NT5DC3: variants seen among roughly 807,000 people sequenced by gnomAD.
NT5DC3 encodes 5'-nucleotidase domain containing 3.
In NT5DC3, 42 loss-of-function variants were observed where a neutral mutation model predicts 67.8. The ratio of observed to expected loss-of-function variants is 0.62; its 90% confidence interval spans 0.48 to 0.80. NT5DC3 has a LOEUF of 0.80. Among genes scored for constraint, NT5DC3 ranks in the 30% least tolerant of loss-of-function variants. NT5DC3 has a pLI of 0.00. For missense variants in NT5DC3, 570 were observed against 696.4 expected (o/e 0.82, Z 2.04); for synonymous variants, 237 against 255.6 (o/e 0.93, Z 0.69).
chr12:103,840,421 A>ATCTCATCTCATCTCATCTCATCTCC lies in NT5DC3; in HGVS notation c.208+527_208+528insGGAGATGAGATGAGATGAGATGAGA, dbSNP rs534475248. Among the ~76,000 whole-genome samples the ATCTCATCTCATCTCATCTCATCTCC allele has an allele frequency of 2.0e-3, 293 of 143,038 alleles. 2 individuals are homozygous for ATCTCATCTCATCTCATCTCATCTCC. Among genetic ancestry groups the ATCTCATCTCATCTCATCTCATCTCC allele is most frequent in the Non-Finnish European group, 3.4e-3 (222 of 64,404 alleles). 93.8% of individuals were successfully genotyped at this position (143,038 alleles called of 152,430 possible). ...ATCTCATCTCATCTCATCTCATCTCATTCCATCCCATTCCATCCCATCCCA... is the reference window on the plus strand; with the variant it reads ...ATCTCATCTCATCTCATCTCATCTCATCTCATCTCATCTCATCTCATCTCCTTCCATCCCATTCCATCCCATCCCA... On this transcript the variant is annotated intron_variant, in intron 1 of 13. Coordinates refer to ENST00000392876, the MANE Select transcript of NT5DC3 (RefSeq NM_001031701.3).
At chr12:103,747,480 C>T in the NT5DC3 span, among the ~76,000 whole-genome samples, 1 of 152,124 alleles carries the variant, frequency 6.6e-6, no homozygotes, top group Non-Finnish European at 1.5e-5. Context: ...CTGAGGTGGC[C>T]AATACCATAA....
At chr12:103,806,447 G>T in intron 3 of NT5DC3, 70 bp from the exon 4 acceptor site, 2 of 1,086,502 alleles carry the variant, frequency 1.8e-6, no homozygotes, top group African/African-American at 1.5e-5. Flanking sequence ...AGCCATCCAG[G>T]TGTCATCATA....
intron 1 of NT5DC3, among the ~76,000 whole-genome samples, chr12:103,834,954 CTG>C (rs1162658413): frequency 1.3e-5 from 2 of 152,232 alleles, no homozygotes; most frequent in African/African-American, 4.8e-5. Flanking sequence ...CTTCTTCTGA[CTG>C]TGCCTTCCTA....
At chr12:103,823,502 A>AT (rs1356196863) in intron 1 of NT5DC3, among the ~76,000 whole-genome samples, 3 of 152,092 alleles carry the variant, frequency 2.0e-5, no homozygotes, top group Non-Finnish European at 4.4e-5. Flanking sequence ...AAAACAGAGC[A>AT]TTTTTTTGGT....
intron 13 of NT5DC3, among the ~76,000 whole-genome samples, chr12:103,779,652 A>G (rs1433738612): frequency 6.6e-6 from 1 of 152,020 alleles, no homozygotes; most frequent in Non-Finnish European, 1.5e-5. Flanking sequence ...CACAGTAACC[A>G]CTGTTTCCAA....
chr12:103,835,186 C>T lies in NT5DC3; in HGVS notation c.208+5763G>A, dbSNP rs539560890. On this transcript the variant is annotated intron_variant, in intron 1 of 13. Coordinates refer to ENST00000392876, the MANE Select transcript of NT5DC3 (RefSeq NM_001031701.3). Reference sequence around the variant, plus strand: ...AACTGTGAACCAGCAGCCTTCAAACCCACTGCTGGGTGCTTAATAAATGCT... The same window carrying T: ...AACTGTGAACCAGCAGCCTTCAAACTCACTGCTGGGTGCTTAATAAATGCT... Among the ~76,000 whole-genome samples, 15 of 152,286 alleles carry T rather than the reference C, an allele frequency of 9.8e-5. No individual in the cohort carries two copies. The South Asian group carries it at 3.1e-3, about 32-fold the overall frequency.
At chr12:103,811,173 C>A (rs1472422169) in intron 2 of NT5DC3, among the ~76,000 whole-genome samples, 1 of 151,754 alleles carries the variant, frequency 6.6e-6, no homozygotes, top group Non-Finnish European at 1.5e-5. Flanking sequence ...GCAAAGTTCC[C>A]ATTCTACCTG....
the NT5DC3 span, among the ~76,000 whole-genome samples, chr12:103,749,677 A>G: frequency 3.3e-5 from 4 of 121,672 alleles, no homozygotes; most frequent in South Asian, 1.2e-3. Context: ...AAAAAATGCA[A>G]AAAAAAAAAA....
chr12:103,814,947 T>C lies in NT5DC3; in HGVS notation c.383A>G (p.Asn128Ser), dbSNP rs1887185370. The C allele has an allele frequency of 1.9e-6, 3 of 1,605,828 alleles. No homozygotes were observed. The highest frequency in any genetic ancestry group is 1.3e-5 in the African/African-American group (1 of 74,738). The change falls in exon 2 of 14, where the codon AAT (asparagine) becomes AGT (serine). Residue 128 changes from asparagine (N) to serine (S), a missense_variant. Physicochemically the swap from Asn to Ser is conservative, Grantham distance 46. Transcript: ENST00000392876. ...TCCCTGTGATCTTACCCGGTGTTCA[T>C]TGATGAGAAGGTCCCGTGCAGCATT... ...IFNAARDLLI[N>S]EHRYPAEIRK...
At chr12:103,836,498 C>T (rs1028091136) in intron 1 of NT5DC3, among the ~76,000 whole-genome samples, 1 of 152,174 alleles carries the variant, frequency 6.6e-6, no homozygotes, top group African/African-American at 2.4e-5. Flanking sequence ...CCAAAATGAT[C>T]TCCTTTGACT....
chr12:103,754,687 C>T, the NT5DC3 span, among the ~76,000 whole-genome samples: 13 of 152,092 alleles, frequency 8.5e-5, no homozygotes, highest in African/African-American at 2.9e-4. Flanking sequence ...TGGTGACTCA[C>T]GCCTGTAATC....
intron 1 of NT5DC3, among the ~76,000 whole-genome samples, chr12:103,834,172 T>C (rs1888050041): frequency 6.6e-6 from 1 of 151,566 alleles, no homozygotes; most frequent in Non-Finnish European, 1.5e-5. Context: ...CCCCTCCAGC[T>C]CCCACTGAGA....
At chr12:103,749,255 TCCTAAAC>T in the NT5DC3 span, 2 of 1,284,628 alleles carry the variant, frequency 1.6e-6, no homozygotes, top group East Asian at 5.1e-5. Flanking sequence ...CCTGGACTCT[TCCTAAAC>T]ATTTTTTCTA....
chr12:103,757,030 T>C, the NT5DC3 span, among the ~76,000 whole-genome samples: 3 of 143,072 alleles, frequency 2.1e-5, no homozygotes, highest in Non-Finnish European at 3.0e-5. Context: ...TATATATATA[T>C]AAAATATATA....
the NT5DC3 span, among the ~76,000 whole-genome samples, chr12:103,765,374 C>T: frequency 6.6e-6 from 1 of 152,180 alleles, no homozygotes; most frequent in African/African-American, 2.4e-5. Context: ...GAATCCTAAG[C>T]ATAAGGTACC....
At chr12:103,793,875 G>A (rs1429494081) in intron 7 of NT5DC3, 62 bp downstream of exon 7, 12 of 1,381,028 alleles carry the variant, frequency 8.7e-6, no homozygotes, top group Admixed American at 1.7e-5. Flanking sequence ...GTAAAATGCC[G>A]GCATGGTTGC....
chr12:103,777,943 G>T lies in NT5DC3; in HGVS notation c.1533C>A (p.Asp511Glu). 6.2e-7 allele frequency: 1 copy of T among 1,614,228 alleles called. No individual in the cohort carries two copies. The highest frequency in any genetic ancestry group is 8.5e-7 in the Non-Finnish European group (1 of 1,180,048). The change falls in exon 14 of 14, where the codon GAC (aspartate) becomes GAA (glutamate). Residue 511 changes from aspartate (D) to glutamate (E), a missense_variant. By Grantham distance (45) the Asp-to-Glu change is conservative. Transcript: ENST00000392876. ...TCCGGGGGTAGAAAGTGTGGCTGAC[G>T]TCATAGTTCAGGAGGCAGCTCAGAG... The part of the protein sequence containing the change: ...MASLSCLLNY[D>E]VSHTFYPRRT...
chr12:103,800,761 C>T (rs542579284), intron 4 of NT5DC3, among the ~76,000 whole-genome samples: 5 of 152,232 alleles, frequency 3.3e-5, no homozygotes, highest in South Asian at 2.1e-4. Context: ...ATGAGAAACA[C>T]GAGGTTAGGA....
chr12:103,800,746 T>C (rs1380886925), intron 4 of NT5DC3, among the ~76,000 whole-genome samples: 1 of 152,208 alleles, frequency 6.6e-6, no homozygotes, highest in Non-Finnish European at 1.5e-5. Context: ...TTTCCCCAGC[T>C]CTGCATGAGA....
Sources: gnomAD v4.1 joint callset for allele counts (sites outside exome capture counted in the v4.1 genomes callset) on GRCh38, gnomAD v4.1.1 for gene constraint, MANE v1.5 for transcripts, NCBI Gene and HGNC (gene_info 2026-07-23, HGNC 2026-07-21) for gene names.